Variants in CCBE1 observed in about 807,000 individuals in gnomAD.
CCBE1 encodes the protein collagen and calcium-binding EGF domain-containing protein 1.
A neutral mutation model predicts 50.0 loss-of-function variants in CCBE1; 37 were observed. The observed-to-expected ratio is 0.74, with a 90% CI of 0.57 to 0.97. The LOEUF (loss-of-function observed/expected upper bound fraction) is 0.97. Among genes scored for constraint, CCBE1 ranks in the 50% least tolerant of loss-of-function variants. The probability of loss-of-function intolerance (pLI) is 0.00; values close to 1 mark genes in which losing one functional copy is unlikely to be tolerated. For synonymous variants in CCBE1, 234 were observed against 203.7 expected (o/e 1.15, Z -1.27); for missense variants, 538 against 523.8 (o/e 1.03, Z -0.26).
At chr18:59,478,020 T>A in intron 3 of CCBE1, among the ~76,000 whole-genome samples, 1 of 152,264 alleles carries the variant, frequency 6.6e-6, no homozygotes, top group East Asian at 1.9e-4. Context: ...GTAAATCAGA[T>A]GACCCTCCAT....
At chr18:59,536,921 G>A (rs756201302) in intron 2 of CCBE1, among the ~76,000 whole-genome samples, 1 of 150,068 alleles carries the variant, frequency 6.7e-6, no homozygotes, top group Non-Finnish European at 1.5e-5. Flanking sequence ...GATCTTGGGA[G>A]GCAGAGGTTG....
intron 2 of CCBE1, among the ~76,000 whole-genome samples, chr18:59,481,774 AATTC>A (rs1366221334): frequency 6.6e-6 from 1 of 152,160 alleles, no homozygotes; most frequent in African/African-American, 2.4e-5. Context: ...AAAAACTAAA[AATTC>A]ATTACCAGCA....
chr18:59,672,925 T>C (rs923692734), intron 2 of CCBE1, among the ~76,000 whole-genome samples: 2 of 151,992 alleles, frequency 1.3e-5, no homozygotes, highest in South Asian at 4.2e-4. Context: ...GGGTGATAGG[T>C]ACATCAAGAT....
rs564270492 is a variant in CCBE1 at position 59,576,377 on chromosome 18, T to C, written c.213-96139A>G. On this transcript the variant is annotated intron_variant, in intron 2 of 10. Transcript: ENST00000439986. Reference sequence around the variant, plus strand: ...TTCCGAAATGGCTGTACCATTCAGATGGCTGTTTTTAAAGTAGCTCATTAC... The same window carrying C: ...TTCCGAAATGGCTGTACCATTCAGACGGCTGTTTTTAAAGTAGCTCATTAC... Among the ~76,000 whole-genome samples, 9 of 152,368 alleles carry C rather than the reference T, an allele frequency of 5.9e-5. 1 individual carries two copies. The highest frequency in any genetic ancestry group is 2.2e-4 in the African/African-American group (9 of 41,592).
intron 2 of CCBE1, chr18:59,688,281 T>G (rs954822138): frequency 6.6e-6 from 1 of 152,130 alleles, no homozygotes; most frequent in Admixed American, 6.5e-5. Flanking sequence ...AGAATCCATC[T>G]CTACAAAAAA....
chr18:59,694,175 ACTTTTTTAAAGTC>A (rs1039064312), intron 2 of CCBE1, among the ~76,000 whole-genome samples: 14 of 151,856 alleles, frequency 9.2e-5, no homozygotes, highest in Admixed American at 9.2e-4. Context: ...CGGCCTAGTA[ACTTTTTTAAAGTC>A]ATTTTTAAAC....
chr18:59,677,933 G>A (rs972402092), intron 2 of CCBE1, among the ~76,000 whole-genome samples: 3 of 152,118 alleles, frequency 2.0e-5, no homozygotes, highest in Non-Finnish European at 4.4e-5. Context: ...TAAAAGAAAG[G>A]AAAAGCAATC....
At chr18:59,576,799 C>T (rs1035279028) in intron 2 of CCBE1, among the ~76,000 whole-genome samples, 3 of 152,182 alleles carry the variant, frequency 2.0e-5, no homozygotes, top group African/African-American at 7.2e-5. Flanking sequence ...GTCTGGAATC[C>T]ATGCATGTCT....
At chr18:59,523,891 C>G (rs1236301525) in intron 2 of CCBE1, among the ~76,000 whole-genome samples, 1 of 152,146 alleles carries the variant, frequency 6.6e-6, no homozygotes, top group Non-Finnish European at 1.5e-5. Context: ...ATGATAAGCC[C>G]TAAGATATTT....
chr18:59,626,827 G>C (rs2053791557), intron 2 of CCBE1, among the ~76,000 whole-genome samples: 1 of 152,234 alleles, frequency 6.6e-6, no homozygotes, highest in Admixed American at 6.5e-5. Flanking sequence ...CTGCAGACAG[G>C]AAAATCAAGG....
chr18:59,439,739 T>C lies in CCBE1; in HGVS notation c.853A>G (p.Met285Val), dbSNP rs766239392. Residue 285 changes from methionine (M) to valine (V), a missense_variant, in exon 8 of 11, where the codon ATG becomes GTG. By Grantham distance (21) the Met-to-Val change is conservative (BLOSUM62 1). Coordinates refer to ENST00000439986, the MANE Select transcript of CCBE1 (RefSeq NM_133459.4). Reference protein sequence around the residue: ...PPGQPGPRGSMGPMGPSPDLS... With the variant: ...PPGQPGPRGSVGPMGPSPDLS... ...TCAGGAGATGGTCCCATGGGTCCCA[T>C]TGAGCCCCGTGGGCCGGGCTGCCCA... is the stretch of plus-strand genomic sequence containing the variant. 1.8e-5 allele frequency: 29 copies of C among 1,614,090 alleles called. No individual in the cohort carries two copies. Among genetic ancestry groups the C allele is most frequent in the East Asian group, 2.2e-5 (1 of 44,886 alleles).
At position 59,613,892 on chromosome 18, in the gene CCBE1, G is replaced by T. The variant is rs571081545; in HGVS notation, c.212+82737C>A. On this transcript the variant is annotated intron_variant, in intron 2 of 10. Transcript: ENST00000439986. ...TTTTTTTTTTTTTTTTTTTTGGCAG[G>T]GGGAGACAGTCTTGCTCTGTCACCC... 6.8e-5 allele frequency among the ~76,000 whole-genome samples: 7 copies of T among 102,198 alleles called. No individual in the cohort carries two copies. In the South Asian group the frequency reaches 2.2e-3, roughly 32 times the overall value. 67.0% of individuals were successfully genotyped at this position (102,198 alleles called of 152,430 possible).
intron 2 of CCBE1, among the ~76,000 whole-genome samples, chr18:59,647,167 GACTAAAAATA>G (rs1179398241): frequency 3.9e-5 from 6 of 152,090 alleles, no homozygotes; most frequent in African/African-American, 1.4e-4. Context: ...TTTCATTTCT[GACTAAAAATA>G]CCCACATTAA....
rs140299488 is a variant in CCBE1 at position 59,590,532 on chromosome 18, C to T, written c.212+106097G>A. 2.1e-3 allele frequency among the ~76,000 whole-genome samples: 315 copies of T among 152,144 alleles called. 4 individuals carry two copies. The East Asian group carries it at 0.032, about 15-fold the overall frequency. ...GCTAGGCATGATGATACCAACTCCA[C>T]ATGGAAAACTGAACATGCAAGAATA... On this transcript the variant is annotated intron_variant, in intron 2 of 10. Coordinates refer to ENST00000439986, the MANE Select transcript of CCBE1 (RefSeq NM_133459.4).
intron 2 of CCBE1, among the ~76,000 whole-genome samples, chr18:59,603,781 C>A (rs2053462038): frequency 1.3e-5 from 2 of 152,038 alleles, no homozygotes; most frequent in African/African-American, 4.8e-5. Flanking sequence ...ATACTGGAGA[C>A]CAGGCAAGTA....
At chr18:59,612,340 A>AAC (rs2053581774) in intron 2 of CCBE1, among the ~76,000 whole-genome samples, 3 of 150,896 alleles carry the variant, frequency 2.0e-5, no homozygotes, top group African/African-American at 7.4e-5. Context: ...GAAAAAAAAA[A>AAC]AAACAAACAA....
chr18:59,578,173 T>C (rs193262508), intron 2 of CCBE1, among the ~76,000 whole-genome samples: 15 of 152,242 alleles, frequency 9.9e-5, no homozygotes, highest in African/African-American at 3.6e-4. Flanking sequence ...AAAGAAGACA[T>C]TTATGCAGCC....
intron 2 of CCBE1, among the ~76,000 whole-genome samples, chr18:59,627,091 A>G (rs145789500): frequency 7.9e-5 from 12 of 152,314 alleles, no homozygotes; most frequent in African/African-American, 2.9e-4. Context: ...ATTTCATAAA[A>G]ATATAAAACA....
Position 59,470,250 on chromosome 18 carries a change from AGT to A in CCBE1, c.266-645_266-644del, listed in dbSNP as rs538081671. Among the ~76,000 whole-genome samples the A allele has an allele frequency of 3.2e-4, 49 of 152,204 alleles. No homozygotes were observed. In the South Asian group the frequency reaches 8.5e-3, roughly 26 times the overall value. On this transcript the variant is annotated intron_variant, in intron 3 of 10. Coordinates refer to ENST00000439986, the MANE Select transcript of CCBE1 (RefSeq NM_133459.4). ...TGCTTCTTACATGGTATCAGGCAAG[AGT>A]GTGTGTGCAAGGGAACTCCCCATCA... is the stretch of plus-strand genomic sequence containing the variant.
Sources: allele counts gnomAD v4.1 joint callset (sites outside exome capture counted in the v4.1 genomes callset), GRCh38; gene constraint gnomAD v4.1.1; transcripts MANE v1.5; gene names NCBI Gene and HGNC (gene_info 2026-07-23, HGNC 2026-07-21).